The following CHTF18 variants were observed in gnomAD, a reference collection of about 807,000 sequenced individuals.
CHTF18 encodes the protein chromosome transmission fidelity protein 18 homolog.
A neutral mutation model predicts 113.4 loss-of-function variants in CHTF18; 151 were observed. The observed-to-expected ratio is 1.33, with a 90% confidence interval of 1.17 to 1.52. The LOEUF (loss-of-function observed/expected upper bound fraction) is 1.52, where lower values mean the gene tolerates loss of function less well. Ranked by LOEUF, CHTF18 falls within the 40% of genes most tolerant of loss-of-function variation. The pLI is 0.00. For synonymous variants in CHTF18, 916 were observed against 598.8 expected, an observed-to-expected ratio of 1.53 and a Z score of -7.74; for missense variants, 1,982 against 1,381.6, an observed-to-expected ratio of 1.43 and a Z score of -6.89.
At chr16:796,214 G>A (rs1256983595) in intron 18 of CHTF18, 137 bp downstream of exon 18, 1 of 1,174,288 alleles carries the variant, frequency 8.5e-7, no homozygotes. Flanking sequence ...CTTATCTTTT[G>A]CTCAGATGTA....
Position 795,051 on chromosome 16 carries a change from C to T in CHTF18, c.1951-81C>T, listed in dbSNP as rs958677882. 7.0e-6 allele frequency: 8 copies of T among 1,145,854 alleles called. No individual in the cohort carries two copies. In the African/African-American group the frequency reaches 1.1e-4, roughly 15 times the overall value. The allele number at this position is 1,145,854 out of a possible 1,614,324, so 71.0% of individuals were successfully genotyped here. A position where few individuals can be genotyped will look rare whatever the true frequency, so the allele number is the denominator to read the frequency against. Reference sequence around the variant, plus strand: ...CAGGCGGCAGGCAGGAGTGGAGGGTCTGTGGCGGGAGGTGGAGGGTCCGTG... The same window carrying T: ...CAGGCGGCAGGCAGGAGTGGAGGGTTTGTGGCGGGAGGTGGAGGGTCCGTG... On this transcript the variant is annotated intron_variant, in intron 15 of 21. Transcript: ENST00000262315.
chr16:792,170 C>G, intron 9 of CHTF18, 54 bp from the exon 10 acceptor site: 4 of 1,536,746 alleles, frequency 2.6e-6, no homozygotes, highest in Non-Finnish European at 2.6e-6. Flanking sequence ...CCTTGGGAGG[C>G]TGCCCTGCCA....
In CHTF18 at chr16:790,251, G is replaced by A. The variant is rs759240881; in HGVS notation, c.681G>A (p.Lys227=). Residue 227 remains lysine (K), a synonymous_variant, in exon 5 of 22, where the codon AAG becomes AAA. Transcript: ENST00000262315. ...DLLGVSLASL[K]KQVDGERRER... ...TGGGTGTGTCCTTAGCCTCCCTGAA[G>A]AAGCAGGTCGACGGCGAGGTAGGGG... 43 of 1,606,862 alleles carry A rather than the reference G, an allele frequency of 2.7e-5. No homozygotes were observed. Among genetic ancestry groups the A allele is most frequent in the Admixed American group, 6.8e-5 (4 of 59,214 alleles).
intron 21 of CHTF18, 41 bp from the exon 22 acceptor site, chr16:797,798 G>T: frequency 6.3e-7 from 1 of 1,586,726 alleles, no homozygotes; most frequent in East Asian, 2.3e-5. Flanking sequence ...GGGGGTTGTG[G>T]GGGGGCCTTA....
chr16:798,002 C>T lies in CHTF18; in HGVS notation c.*27C>T, dbSNP rs199984295. On this transcript the variant is annotated 3_prime_UTR_variant, in exon 22 of 22. Transcript: ENST00000262315. ...TCTCTGAGCCGCGGACATGCCCTCG[C>T]ATTGCTTCCCGCAGAGTGCAGAGAC... 2.6e-5 allele frequency: 42 copies of T among 1,597,614 alleles called. No homozygotes were observed. The South Asian group carries it at 3.7e-4, about 14-fold the overall frequency.
At position 789,730 on chromosome 16, in the gene CHTF18, C is replaced by G; in HGVS notation, c.606+15C>G. 1 of 1,567,016 alleles carries G rather than the reference C, an allele frequency of 6.4e-7. No individual in the cohort carries two copies. The highest frequency in any genetic ancestry group is 8.6e-7 in the Non-Finnish European group (1 of 1,162,240). On this transcript the variant is annotated intron_variant, in intron 4 of 21. Transcript: ENST00000262315. ...CGGGGGTGCAGGTGCGTGGCTGTGG[C>G]CTTCCTGCACGGTGGGTGGGCCAGT...
In CHTF18 at chr16:793,264, C is replaced by G. The variant is rs370990769; in HGVS notation, c.1792C>G (p.Arg598Gly). 26 of 1,606,942 alleles carry G rather than the reference C, an allele frequency of 1.6e-5. No homozygotes were observed. Among genetic ancestry groups the G allele is most frequent in the Non-Finnish European group, 2.1e-5 (25 of 1,178,530 alleles). The change falls in exon 14 of 22, where the codon CGA becomes GGA. Residue 598 changes from arginine (R) to glycine (G), a missense_variant. By Grantham distance (125) the Arg-to-Gly change is moderately radical. Transcript: ENST00000262315. ...SVWQEVFQLP[R>G]AQRRRVGQDP... ...GTGGCAGGAGGTCTTCCAGCTGCCT[C>G]GAGCCCAGAGGTAGGCGGTGGCCAC... is the stretch of plus-strand genomic sequence containing the variant.
chr16:797,572 G>T, intron 20 of CHTF18, 122 bp from the exon 21 acceptor site: 2 of 1,060,562 alleles, frequency 1.9e-6, no homozygotes, highest in Non-Finnish European at 1.4e-6. Context: ...GCCAGGTTCC[G>T]AAAGGTGTCT....
intron 4 of CHTF18, chr16:789,970 C>A: frequency 6.5e-7 from 1 of 1,534,706 alleles, no homozygotes; most frequent in Non-Finnish European, 8.7e-7. Context: ...GCCCTTTCCT[C>A]CTTTCTCCTA....
chr16:791,740 G>A, intron 8 of CHTF18, 111 bp from the exon 9 acceptor site: 1 of 1,467,642 alleles, frequency 6.8e-7, no homozygotes, highest in Non-Finnish European at 9.0e-7. Flanking sequence ...GGCTGGAGTG[G>A]GGTGGAGGGA....
intron 11 of CHTF18, 57 bp downstream of exon 11, chr16:792,647 T>C: frequency 6.3e-7 from 1 of 1,591,296 alleles, no homozygotes; most frequent in Non-Finnish European, 8.5e-7. Flanking sequence ...GGAGGGAGGG[T>C]TCCGGCCCGT....
chr16:789,150 G>A lies in CHTF18; in HGVS notation c.286+25G>A, dbSNP rs1397039075. ...GGTAGGTTGGCGGCATTGCCCCAGGGCCTCCGGAGTGGGCGCGAGGCTGAG... is the reference window on the plus strand; with the variant it reads ...GGTAGGTTGGCGGCATTGCCCCAGGACCTCCGGAGTGGGCGCGAGGCTGAG... On this transcript the variant is annotated intron_variant, in intron 2 of 21. Coordinates refer to ENST00000262315, the MANE Select transcript of CHTF18 (RefSeq NM_022092.3). 9 of 1,549,452 alleles carry A rather than the reference G, an allele frequency of 5.8e-6. No homozygotes were observed. The Admixed American group carries it at 1.8e-4, about 30-fold the overall frequency.
At position 791,858 on chromosome 16, in the gene CHTF18, T is replaced by C; in HGVS notation, c.1112T>C (p.Leu371Pro). The C allele has an allele frequency of 6.2e-7, 1 of 1,605,056 alleles. No individual in the cohort carries two copies. The highest frequency in any genetic ancestry group is 8.5e-7 in the Non-Finnish European group (1 of 1,176,728). The change falls in exon 9 of 22, where the codon CTG becomes CCG. Residue 371 changes from leucine to proline, a missense_variant. Physicochemically the swap from Leu to Pro is moderately conservative, Grantham distance 98. Transcript: ENST00000262315. ...CATCTACCTGGGCTGCAGGTGGCACTGCTCTGTGGGCCCCCGGGGCTGGGG... is the reference window on the plus strand; with the variant it reads ...CATCTACCTGGGCTGCAGGTGGCACCGCTCTGTGGGCCCCCGGGGCTGGGG... ...PSQRPKQKVA[L>P]LCGPPGLGKT... is the part of the protein sequence containing the mutation.
rs1435633686 is a variant in CHTF18, at chr16:790,983, C to T, written c.895-178C>T. 81 of 1,450,550 alleles carry T rather than the reference C, an allele frequency of 5.6e-5. No individual in the cohort carries two copies. In the South Asian group the frequency reaches 7.7e-4, roughly 14 times the overall value. The allele number at this position is 1,450,550 out of a possible 1,614,324, so 89.9% of individuals were successfully genotyped here. A position where few individuals can be genotyped will look rare whatever the true frequency, so the allele number is the denominator to read the frequency against. On this transcript the variant is annotated intron_variant, in intron 7 of 21. Transcript: ENST00000262315. ...CTCCCAGATGGGTTGTGGCCAGAGCCGTGGGGGTGGAGCCCCTGGTGTGAG... is the reference window on the plus strand; with the variant it reads ...CTCCCAGATGGGTTGTGGCCAGAGCTGTGGGGGTGGAGCCCCTGGTGTGAG...
chr16:788,634 G>A lies in CHTF18; in HGVS notation c.-51G>A, dbSNP rs1386804815. The A allele has an allele frequency of 7.2e-7, 1 of 1,380,236 alleles. No individual in the cohort carries two copies. Among genetic ancestry groups the A allele is most frequent in the South Asian group, 1.5e-5 (1 of 65,410 alleles). The allele number at this position is 1,380,236 out of a possible 1,614,324, so 85.5% of individuals were successfully genotyped here. ...ACGCTCGGGGCGGGCAGTGCGCGAC[G>A]GCGGCGGCGGCGCGGGAGGTTCGGA... On this transcript the variant is annotated 5_prime_UTR_variant, in exon 1 of 22. Coordinates refer to ENST00000262315, the MANE Select transcript of CHTF18 (RefSeq NM_022092.3).
chr16:796,763 C>T lies in CHTF18; in HGVS notation c.2503C>T (p.Pro835Ser), dbSNP rs537179316. Reference protein sequence around the residue: ...CRFPELPARKPLTYQTKQLIA... With the variant: ...CRFPELPARKSLTYQTKQLIA... ...CTTCCCTGAGCTGCCTGCCCGCAAGCCCCTCACCTACCAGACGAAGCAGCT... is the reference window on the plus strand; with the variant it reads ...CTTCCCTGAGCTGCCTGCCCGCAAGTCCCTCACCTACCAGACGAAGCAGCT... The change falls in exon 19 of 22, where the codon CCC (proline) becomes TCC (serine). Residue 835 changes from proline to serine, a missense_variant. Transcript: ENST00000262315. The T allele has an allele frequency of 8.9e-5, 143 of 1,608,454 alleles. 2 individuals are homozygous for T. In the South Asian group the frequency reaches 1.4e-3, roughly 16 times the overall value.
At chr16:796,522 G>T (rs972483683) in intron 18 of CHTF18, 195 bp from the exon 19 acceptor site, 1 of 625,908 alleles carries the variant, frequency 1.6e-6, no homozygotes, top group Non-Finnish European at 2.7e-6. Flanking sequence ...ACGTACACTT[G>T]CAGTTGGGGA....
At chr16:790,750 C>G in intron 7 of CHTF18, 84 bp downstream of exon 7, 1 of 1,450,814 alleles carries the variant, frequency 6.9e-7, no homozygotes, top group Non-Finnish European at 9.0e-7. Context: ...TTTTGCACAG[C>G]CAATCCACTG....
chr16:790,267 G>C lies in CHTF18; in HGVS notation c.697G>C (p.Glu233Gln), dbSNP rs114140868. 1.2e-6 allele frequency: 2 copies of C among 1,607,420 alleles called. No homozygotes were observed. Among genetic ancestry groups the C allele is most frequent in the Admixed American group, 3.4e-5 (2 of 59,218 alleles). Residue 233 changes from glutamate (E) to glutamine (Q), a missense_variant and splice_region_variant, in exon 5 of 22, where the codon GAG becomes CAG. Physicochemically the swap from Glu to Gln is conservative, Grantham distance 29. Coordinates refer to ENST00000262315, the MANE Select transcript of CHTF18 (RefSeq NM_022092.3). The stretch of plus-strand genomic sequence containing the variant: ...CTCCCTGAAGAAGCAGGTCGACGGC[G>C]AGGTAGGGGCTGCGGGTTTGCTGGG... ...LASLKKQVDGERRERLLQEAQ... is the reference protein window; with the variant it reads ...LASLKKQVDGQRRERLLQEAQ...
Sources: gnomAD v4.1 joint callset for allele counts on GRCh38, gnomAD v4.1.1 for gene constraint, MANE v1.5 for transcripts, NCBI Gene and HGNC (gene_info 2026-07-23, HGNC 2026-07-21) for gene names.